Variants in ABI1 observed in about 807,000 individuals in gnomAD.
ABI1 encodes the protein Abelson interactor 1.
In ABI1, 14 loss-of-function variants were observed where a neutral mutation model predicts 54.6. The ratio of observed to expected loss-of-function variants is 0.26; its 90% CI spans 0.17 to 0.40. The LOEUF (loss-of-function observed/expected upper bound fraction) is 0.40, where lower values mean the gene tolerates loss of function less well. Ranked by LOEUF, ABI1 falls within the 10% of genes least tolerant of loss-of-function variation. The pLI is 1.00. For synonymous variants in ABI1, 194 were observed against 209.3 expected (o/e 0.93, Z 0.63); for missense variants, 443 against 598.3 (o/e 0.74, Z 2.71).
Position 26,860,834 on chromosome 10 carries a change from C to T in ABI1, c.30G>A (p.Glu10=). The stretch of plus-strand genomic sequence containing the variant: ...GCGCCCTCTTGCCAGACGGGATCTC[C>T]TCCTCTAGTAACATCTGCAGCTCTG... MAELQMLLE[E]EIPSGKRALI... is the part of the protein sequence containing the mutation. The change falls in exon 1 of 11, where the codon GAG becomes GAA. Residue 10 remains glutamate (E), a synonymous_variant. Transcript: ENST00000376140. This position sits in a 1 kb window ranked among gnomAD's most constrained non-coding sequence, Gnocchi z 4.1. The T allele has an allele frequency of 6.2e-7, 1 of 1,614,182 alleles. No individual in the cohort carries two copies. Among genetic ancestry groups the T allele is most frequent in the Non-Finnish European group, 8.5e-7 (1 of 1,180,030 alleles).
At chr10:26,796,808 C>T (rs191138456) in intron 2 of ABI1, among the ~76,000 whole-genome samples, 80 of 152,316 alleles carry the variant, frequency 5.3e-4, no homozygotes, top group African/African-American at 1.4e-3. Context: ...CAATTTTCCA[C>T]GCACTGGGGA....
Position 26,751,791 on chromosome 10 carries a change from G to T in ABI1, c.1085-8C>A, listed in dbSNP as rs1837670336. ...GAGTTGGACTATCAGCAACTAAAAAGATTCATATGATTGATTTGAATCAAA... is the reference window on the plus strand; with the variant it reads ...GAGTTGGACTATCAGCAACTAAAAATATTCATATGATTGATTTGAATCAAA... On this transcript the variant is annotated splice_polypyrimidine_tract_variant and splice_region_variant and intron_variant, in intron 9 of 10. Transcript: ENST00000376140. 6.3e-7 allele frequency: 1 copy of T among 1,590,586 alleles called. No homozygotes were observed. Among genetic ancestry groups the T allele is most frequent in the Non-Finnish European group, 8.6e-7 (1 of 1,168,624 alleles).
chr10:26,858,537 G>GAAAAAAAAAAAAAAAAA (rs60132421), intron 1 of ABI1, among the ~76,000 whole-genome samples: 1 of 94,242 alleles, frequency 1.1e-5, no homozygotes, highest in Non-Finnish European at 2.1e-5. Flanking sequence ...CACAAAAAAA[G>GAAAAAAAAAAAAAAAAA]AAAAAAAAAA....
intron 1 of ABI1, among the ~76,000 whole-genome samples, chr10:26,855,963 T>G (rs1173455731): frequency 1.3e-5 from 1 of 78,734 alleles, no homozygotes; most frequent in Non-Finnish European, 2.2e-5. Context: ...AGAGCAAGAC[T>G]CCATCTCAAA....
At chr10:26,806,363 A>C (rs1280239593) in intron 2 of ABI1, among the ~76,000 whole-genome samples, 1 of 152,230 alleles carries the variant, frequency 6.6e-6, no homozygotes, top group Non-Finnish European at 1.5e-5. Flanking sequence ...TTGGCAAAGT[A>C]AGTCAAGAAA....
intron 5 of ABI1, among the ~76,000 whole-genome samples, chr10:26,769,450 C>T (rs757639685): frequency 1.6e-4 from 25 of 151,934 alleles, no homozygotes; most frequent in African/African-American, 2.7e-4. Flanking sequence ...TAAATGATTT[C>T]GACTATTCTG....
intron 10 of ABI1, among the ~76,000 whole-genome samples, chr10:26,751,033 A>G (rs1379240024): frequency 6.6e-6 from 1 of 152,240 alleles, no homozygotes; most frequent in Admixed American, 6.5e-5. Flanking sequence ...GTTATGTCCC[A>G]ATAAACCCAC....
chr10:26,819,954 C>CT (rs1464744692), intron 2 of ABI1, among the ~76,000 whole-genome samples: 2 of 152,086 alleles, frequency 1.3e-5, no homozygotes, highest in African/African-American at 4.8e-5. Context: ...AATGATCTCC[C>CT]TTTTTCAGAT....
In ABI1 at chr10:26,771,137, G is replaced by C. The variant is rs371114818; in HGVS notation, c.463-48C>G. 8 of 1,600,994 alleles carry C rather than the reference G, an allele frequency of 5.0e-6. 1 individual carries two copies. The African/African-American group carries it at 8.0e-5, about 16-fold the overall frequency. On this transcript the variant is annotated intron_variant, in intron 3 of 10. Transcript: ENST00000376140. ...GGGGAAAAAGTAGACATTAATGCTAGGTAAGTTATATCCGATAGGACAGGT... is the reference window on the plus strand; with the variant it reads ...GGGGAAAAAGTAGACATTAATGCTACGTAAGTTATATCCGATAGGACAGGT...
intron 2 of ABI1, among the ~76,000 whole-genome samples, chr10:26,791,277 T>G (rs187316440): frequency 1.4e-4 from 21 of 152,150 alleles, no homozygotes; most frequent in African/African-American, 4.8e-4. Context: ...CCCTATCCAA[T>G]TATATTTTAC....
At chr10:26,785,589 G>C (rs934869190) in intron 2 of ABI1, among the ~76,000 whole-genome samples, 1 of 152,126 alleles carries the variant, frequency 6.6e-6, no homozygotes, top group Non-Finnish European at 1.5e-5. Context: ...GGGCACGGTG[G>C]CACATGCCTG....
chr10:26,819,478 T>C (rs1415498298), intron 2 of ABI1, among the ~76,000 whole-genome samples: 1 of 152,220 alleles, frequency 6.6e-6, no homozygotes, highest in Non-Finnish European at 1.5e-5. Flanking sequence ...TTCAGAATTA[T>C]AGTTGGAGAT....
intron 1 of ABI1, among the ~76,000 whole-genome samples, chr10:26,842,040 C>A (rs1311253026): frequency 6.6e-6 from 1 of 152,192 alleles, no homozygotes. Context: ...CCAATCCACA[C>A]TCCCACCAAC....
At chr10:26,837,488 G>T (rs1319929476) in intron 1 of ABI1, among the ~76,000 whole-genome samples, 1 of 152,180 alleles carries the variant, frequency 6.6e-6, no homozygotes, top group Non-Finnish European at 1.5e-5. Context: ...ATGGCAGGGG[G>T]ACACAATTCT....
At position 26,768,351 on chromosome 10, in the gene ABI1, G is replaced by A. The variant is rs1203258994; in HGVS notation, c.719+501C>T. On this transcript the variant is annotated intron_variant, in intron 6 of 10. Transcript: ENST00000376140. ...ACCTGAGGTTGGGAGTTGGAAACCAGCCTGACCAACATGCAGAAACCCCGT... is the reference window on the plus strand; with the variant it reads ...ACCTGAGGTTGGGAGTTGGAAACCAACCTGACCAACATGCAGAAACCCCGT... 2.6e-5 allele frequency among the ~76,000 whole-genome samples: 4 copies of A among 151,558 alleles called. No individual in the cohort carries two copies. The East Asian group carries it at 5.8e-4, about 22-fold the overall frequency.
At chr10:26,823,071 A>C (rs2048088005) in intron 2 of ABI1, 67 bp downstream of exon 2, 1 of 1,358,936 alleles carries the variant, frequency 7.4e-7, no homozygotes, top group Non-Finnish European at 1.0e-6. Flanking sequence ...CATGCAGGCT[A>C]TTTACTTCTT....
intron 1 of ABI1, among the ~76,000 whole-genome samples, chr10:26,852,549 A>G (rs545272904): frequency 1.3e-5 from 2 of 152,300 alleles, no homozygotes; most frequent in African/African-American, 4.8e-5. Flanking sequence ...GTAGTAGGAA[A>G]CATCTTTTTC....
intron 2 of ABI1, among the ~76,000 whole-genome samples, chr10:26,807,523 G>T (rs187163099): frequency 1.5e-3 from 235 of 152,202 alleles, no homozygotes; most frequent in African/African-American, 5.1e-3. Flanking sequence ...GACTTAAATC[G>T]CAAACTTTCT....
chr10:26,847,829 T>A (rs1000729934), intron 1 of ABI1, among the ~76,000 whole-genome samples: 3 of 152,126 alleles, frequency 2.0e-5, no homozygotes, highest in Non-Finnish European at 4.4e-5. Context: ...GTGTACCCTC[T>A]GTTTTTTGTC....
Sources: allele counts gnomAD v4.1 joint callset (sites outside exome capture counted in the v4.1 genomes callset), GRCh38; gene constraint gnomAD v4.1.1; non-coding constraint Gnocchi (gnomAD v3.1); transcripts MANE v1.5; gene names NCBI Gene and HGNC (gene_info 2026-07-23, HGNC 2026-07-21).